EYA2: variants seen among roughly 807,000 people sequenced by gnomAD.
EYA2 encodes protein phosphatase EYA2.
EYA2 carries 31 observed loss-of-function variants against 69.2 expected under a neutral mutation model. That is an observed-to-expected ratio of 0.45 (90% CI 0.34 to 0.60). The LOEUF (loss-of-function observed/expected upper bound fraction) is 0.60, where lower values mean the gene tolerates loss of function less well. Ranked by LOEUF, EYA2 falls within the 20% of genes least tolerant of loss-of-function variation. The pLI is 0.02. For missense variants in EYA2, 622 were observed against 701.2 expected (o/e 0.89, Z 1.28); for synonymous variants, 257 against 279.4 (o/e 0.92, Z 0.80).
chr20:47,169,809 GA>G (rs1468495558), intron 11 of EYA2, among the ~76,000 whole-genome samples: 1 of 152,174 alleles, frequency 6.6e-6, no homozygotes, highest in Non-Finnish European at 1.5e-5. Flanking sequence ...GTCAAGCTCA[GA>G]GTTTCACGTG....
At chr20:47,158,264 C>G (rs2033996702) in intron 10 of EYA2, among the ~76,000 whole-genome samples, 1 of 152,118 alleles carries the variant, frequency 6.6e-6, no homozygotes, top group Non-Finnish European at 1.5e-5. Flanking sequence ...CCTGTAATTT[C>G]AGCACTTTGG....
intron 9 of EYA2, among the ~76,000 whole-genome samples, chr20:47,137,184 A>G (rs2033496845): frequency 1.3e-5 from 2 of 152,164 alleles, no homozygotes; most frequent in South Asian, 4.1e-4. Context: ...TTAGGAAATT[A>G]ACCACTGTTG....
chr20:47,172,744 G>T lies in EYA2; in HGVS notation c.1075G>T (p.Ala359Ser). The T allele has an allele frequency of 6.2e-7, 1 of 1,613,902 alleles. No homozygotes were observed. Among genetic ancestry groups the T allele is most frequent in the Non-Finnish European group, 8.5e-7 (1 of 1,179,936 alleles). ...NFSADGFHSSAPGANLCLGSG... is the reference protein window; with the variant it reads ...NFSADGFHSSSPGANLCLGSG... The stretch of plus-strand genomic sequence containing the variant: ...CTCCGCTGACGGCTTCCACAGTTCG[G>T]CCCCAGGAGCCAACCTGTGCCTGGG... Residue 359 changes from alanine to serine, a missense_variant, in exon 12 of 16, where the codon GCC becomes TCC. By Grantham distance (99) the Ala-to-Ser change is moderately conservative (BLOSUM62 1). This residue lies in a region of EYA2 where 257 missense variants were observed against 351.5 expected (regional missense o/e 0.73). Transcript: ENST00000327619.
intron 9 of EYA2, among the ~76,000 whole-genome samples, chr20:47,124,757 C>G (rs760990914): frequency 1.3e-5 from 2 of 152,108 alleles, no homozygotes; most frequent in Non-Finnish European, 2.9e-5. Flanking sequence ...TCACTCTACT[C>G]CATATCCACA....
intron 7 of EYA2, among the ~76,000 whole-genome samples, chr20:47,078,318 T>TGC (rs141520850): frequency 1.3e-3 from 175 of 130,286 alleles, no homozygotes; most frequent in East Asian, 4.3e-3. Flanking sequence ...CATGTGCACG[T>TGC]GCGCGCGCGC....
In EYA2 at chr20:47,005,009, A is replaced by G. The variant is rs755977704; in HGVS notation, c.223A>G (p.Ser75Gly). Residue 75 changes from serine (S) to glycine (G), a missense_variant, in exon 4 of 16, where the codon AGT (serine) becomes GGT (glycine). Transcript: ENST00000327619. ...AMAAYGQTQY[S>G]AGIQQATPYT... ...GGCAGCCTACGGCCAGACGCAGTAC[A>G]GTGCGGGGATCCAGCAGGCTACCCC... is the stretch of plus-strand genomic sequence containing the variant. The G allele has an allele frequency of 6.8e-6, 11 of 1,613,982 alleles. No individual in the cohort carries two copies. Among genetic ancestry groups the G allele is most frequent in the Non-Finnish European group, 9.3e-6 (11 of 1,180,002 alleles).
At chr20:46,970,782 T>G (rs1222717996) in intron 1 of EYA2, among the ~76,000 whole-genome samples, 2 of 152,188 alleles carry the variant, frequency 1.3e-5, no homozygotes, top group African/African-American at 4.8e-5. Flanking sequence ...CAACAGAGTT[T>G]TTGTTAAACC....
intron 9 of EYA2, among the ~76,000 whole-genome samples, chr20:47,118,446 G>A (rs530479002): frequency 1.3e-5 from 2 of 152,112 alleles, no homozygotes; most frequent in African/African-American, 2.4e-5. Context: ...TTTGGCGGGG[G>A]TGGGTGAGGA....
chr20:47,138,473 G>A (rs1300306681), intron 9 of EYA2, among the ~76,000 whole-genome samples: 2 of 152,106 alleles, frequency 1.3e-5, no homozygotes, highest in South Asian at 2.1e-4. Flanking sequence ...TAGAAGGCTG[G>A]GCATGGTGGC....
intron 5 of EYA2, among the ~76,000 whole-genome samples, chr20:47,047,422 C>G (rs144829220): frequency 7.1e-6 from 1 of 139,960 alleles, no homozygotes; most frequent in Non-Finnish European, 1.5e-5. Context: ...AGTCTCACTC[C>G]GTCACCCGGG....
chr20:46,953,275 G>C (rs1192775843), intron 1 of EYA2, among the ~76,000 whole-genome samples: 1 of 152,148 alleles, frequency 6.6e-6, no homozygotes, highest in Non-Finnish European at 1.5e-5. Flanking sequence ...GCTGGGGTCT[G>C]AGGGCTTGAG....
intron 10 of EYA2, among the ~76,000 whole-genome samples, chr20:47,158,613 C>G (rs997176829): frequency 3.3e-5 from 5 of 151,832 alleles, no homozygotes; most frequent in Non-Finnish European, 7.3e-5. Flanking sequence ...ATAACAGTTT[C>G]TAATACCACG....
chr20:46,952,564 A>G (rs1340548598), intron 1 of EYA2, among the ~76,000 whole-genome samples: 1 of 152,182 alleles, frequency 6.6e-6, no homozygotes, highest in East Asian at 1.9e-4. Context: ...AGTGAAGGGC[A>G]GAGCAAGCAC....
chr20:47,087,832 C>A (rs1035342365), intron 7 of EYA2, among the ~76,000 whole-genome samples: 2 of 152,260 alleles, frequency 1.3e-5, no homozygotes, highest in Non-Finnish European at 2.9e-5. Context: ...TTCAAGTCAC[C>A]TCCTAACTGC....
chr20:46,939,717 G>A (rs1759647202), intron 1 of EYA2, among the ~76,000 whole-genome samples: 1 of 152,096 alleles, frequency 6.6e-6, no homozygotes, highest in Non-Finnish European at 1.5e-5. Flanking sequence ...GAGTTGTTTT[G>A]TCTCCTCTAT....
At chr20:47,001,053 A>G (rs1982334306) in intron 2 of EYA2, among the ~76,000 whole-genome samples, 2 of 152,052 alleles carry the variant, frequency 1.3e-5, no homozygotes, top group East Asian at 1.9e-4. Flanking sequence ...AGCTTGATTC[A>G]CTTCCTAGTT....
chr20:47,138,665 G>C (rs2033530401), intron 9 of EYA2, among the ~76,000 whole-genome samples: 1 of 151,974 alleles, frequency 6.6e-6, no homozygotes, highest in East Asian at 1.9e-4. Flanking sequence ...TGAGGCAGGA[G>C]GATCACTTGA....
At chr20:47,171,685 C>T (rs2034325121) in intron 11 of EYA2, among the ~76,000 whole-genome samples, 2 of 152,116 alleles carry the variant, frequency 1.3e-5, no homozygotes, top group South Asian at 4.1e-4. Flanking sequence ...TTAACAGATC[C>T]TCTGTCCATC....
At chr20:47,051,307 G>T (rs567353971) in intron 5 of EYA2, among the ~76,000 whole-genome samples, 1 of 152,376 alleles carries the variant, frequency 6.6e-6, no homozygotes, top group Non-Finnish European at 1.5e-5. Flanking sequence ...TCAGAAGTAT[G>T]TGCACCACAT....
Sources: allele counts gnomAD v4.1 joint callset (sites outside exome capture counted in the v4.1 genomes callset), GRCh38; gene constraint gnomAD v4.1.1; regional missense constraint gnomAD v4.1.1; transcripts MANE v1.5; gene names NCBI Gene and HGNC (gene_info 2026-07-23, HGNC 2026-07-21).